The following PXDN variants were observed in gnomAD, a reference collection of about 807,000 sequenced individuals.
The protein encoded by PXDN is peroxidasin.
In PXDN, 77 loss-of-function variants were observed where a neutral mutation model predicts 140.3. The observed-to-expected ratio is 0.55, with a 90% CI of 0.46 to 0.66. The LOEUF (loss-of-function observed/expected upper bound fraction) is 0.66, where lower values mean the gene tolerates loss of function less well. Ranked by LOEUF, PXDN falls within the 30% of genes least tolerant of loss-of-function variation. The probability of loss-of-function intolerance (pLI) is 0.00; values close to 1 mark genes in which losing one functional copy is unlikely to be tolerated. For synonymous variants in PXDN, 911 were observed against 857.4 expected (o/e 1.06, Z -1.09); for missense variants, 1,838 against 2,039.5 (o/e 0.90, Z 1.90).
intron 1 of PXDN, among the ~76,000 whole-genome samples, chr2:1,721,929 G>A (rs1685062637): frequency 6.6e-6 from 1 of 152,146 alleles, no homozygotes; most frequent in Non-Finnish European, 1.5e-5. Context: ...TAGTTACTAA[G>A]AGACTCAAAG....
chr2:1,739,924 A>G (rs890220265), intron 1 of PXDN, among the ~76,000 whole-genome samples: 4 of 152,274 alleles, frequency 2.6e-5, no homozygotes, highest in Non-Finnish European at 4.4e-5. Context: ...GCCAACAAAC[A>G]TGAGCATCAT....
chr2:1,678,645 G>A (rs1333176135), intron 7 of PXDN, among the ~76,000 whole-genome samples: 2 of 152,212 alleles, frequency 1.3e-5, no homozygotes, highest in Non-Finnish European at 2.9e-5. Context: ...GGCCTCGGCT[G>A]ATTCACAGGT....
At chr2:1,676,115 C>T (rs1683701279) in intron 8 of PXDN, among the ~76,000 whole-genome samples, 1 of 152,154 alleles carries the variant, frequency 6.6e-6, no homozygotes, top group Non-Finnish European at 1.5e-5. Context: ...CTCATTCCCA[C>T]CTAGGCCTCT....
At chr2:1,738,101 G>A (rs6716442) in intron 1 of PXDN, among the ~76,000 whole-genome samples, 4,738 of 151,888 alleles carry the variant, frequency 0.031, 212 homozygotes, top group African/African-American at 0.11. Context: ...TGTCCTGATC[G>A]GCTATTTAAG....
At chr2:1,679,288 T>C (rs770522843) in intron 7 of PXDN, among the ~76,000 whole-genome samples, 15 of 148,560 alleles carry the variant, frequency 1.0e-4, no homozygotes, top group Non-Finnish European at 2.1e-4. Flanking sequence ...TGTGCATGTG[T>C]GTGTGGATGG....
At chr2:1,690,375 C>A (rs1335953258) in intron 3 of PXDN, among the ~76,000 whole-genome samples, 2 of 152,124 alleles carry the variant, frequency 1.3e-5, no homozygotes, top group Non-Finnish European at 2.9e-5. Flanking sequence ...GCCGGCTGTG[C>A]AGCAGATGAG....
At position 1,673,635 on chromosome 2, in the gene PXDN, C is replaced by A; in HGVS notation, c.1018+8G>T. 1 of 1,603,462 alleles carries A rather than the reference C, an allele frequency of 6.2e-7. No homozygotes were observed. Among genetic ancestry groups the A allele is most frequent in the South Asian group, 1.1e-5 (1 of 90,034 alleles). On this transcript the variant is annotated splice_region_variant and intron_variant, in intron 9 of 22. Coordinates refer to ENST00000252804, the MANE Select transcript of PXDN (RefSeq NM_012293.3). ...ATGGAACCCCGGTGTGAAATGCCCG[C>A]CACATACCTGGAGACCCGAAGTACC...
rs1027398940 is a variant in PXDN at position 1,651,998 on chromosome 2, C to T, written c.2104+1630G>A. 2.6e-5 allele frequency among the ~76,000 whole-genome samples: 4 copies of T among 152,210 alleles called. No homozygotes were observed. Among genetic ancestry groups the T allele is most frequent in the Non-Finnish European group, 4.4e-5 (3 of 68,040 alleles). On this transcript the variant is annotated intron_variant, in intron 16 of 22. Coordinates refer to ENST00000252804, the MANE Select transcript of PXDN (RefSeq NM_012293.3). This position sits in a 1 kb window ranked among gnomAD's most constrained non-coding sequence, Gnocchi z 4.4. ...GTGAAGAAATGAGTGCCTGCATGTG[C>T]ACCTAACTGCTGCTTGGGTAAACAG...
chr2:1,643,686 T>A, intron 18 of PXDN, 110 bp from the exon 19 acceptor site: 1 of 1,056,268 alleles, frequency 9.5e-7, no homozygotes, highest in Non-Finnish European at 1.4e-6. Context: ...CAGAAACCAC[T>A]AGGTTTGATT....
At chr2:1,686,381 T>C (rs890480942) in intron 4 of PXDN, among the ~76,000 whole-genome samples, 1 of 152,010 alleles carries the variant, frequency 6.6e-6, no homozygotes, top group East Asian at 1.9e-4. Context: ...AAACATCTAC[T>C]TGGTGATTCA....
chr2:1,637,870 G>GGATGT (rs1558482526), intron 21 of PXDN, among the ~76,000 whole-genome samples: 3 of 11,830 alleles, frequency 2.5e-4, no homozygotes, highest in Non-Finnish European at 3.3e-4. Flanking sequence ...GCTGCCTGGG[G>GGATGT]ACTTGCACCT....
intron 8 of PXDN, among the ~76,000 whole-genome samples, chr2:1,674,522 C>T (rs1439357954): frequency 6.6e-6 from 1 of 152,218 alleles, no homozygotes; most frequent in Non-Finnish European, 1.5e-5. Flanking sequence ...GCAAGGACCT[C>T]CCCTGGGGCC....
Position 1,654,482 on chromosome 2 carries a change from GA to G in PXDN, c.1863del (p.Pro622ArgfsTer3). 6.2e-7 allele frequency: 1 copy of G among 1,613,468 alleles called. No homozygotes were observed. On this transcript the variant is annotated frameshift_variant, in exon 15 of 23. Coordinates refer to ENST00000252804, the MANE Select transcript of PXDN (RefSeq NM_012293.3). LOFTEE classifies it high-confidence loss of function. ...VNVPDVSRNG[D>X]PFVATSIVEA... The stretch of plus-strand genomic sequence containing the variant: ...TCCACGATGGAGGTAGCTACAAACG[GA>G]TCTCCATTTCGACTGACGTCAGGAA...
intron 7 of PXDN, 41 bp downstream of exon 7, chr2:1,680,152 G>A: frequency 6.6e-7 from 1 of 1,510,754 alleles, no homozygotes; most frequent in South Asian, 1.3e-5. Context: ...TGTGTAGATG[G>A]TGTGAGTGTG....
Position 1,719,160 on chromosome 2 carries a change from G to A in PXDN, c.200+25096C>T, listed in dbSNP as rs74656262. On this transcript the variant is annotated intron_variant, in intron 1 of 22. Transcript: ENST00000252804. ...GCCATGCCTCCCACCTGAGTTACTC[G>A]GAAGGGGGCTTGCTCCACACCTTCT... Among the ~76,000 whole-genome samples the A allele has an allele frequency of 0.02, 3,015 of 152,282 alleles. 266 individuals are homozygous for A. In the East Asian group the frequency reaches 0.3, roughly 15 times the overall value.
intron 1 of PXDN, among the ~76,000 whole-genome samples, chr2:1,720,012 GTA>G (rs1491133237): frequency 7.2e-5 from 2 of 27,688 alleles, no homozygotes. Flanking sequence ...GGGGAGGGAT[GTA>G]GAGAGAGAGA....
At chr2:1,681,504 G>A (rs1024773761) in intron 6 of PXDN, among the ~76,000 whole-genome samples, 2 of 151,842 alleles carry the variant, frequency 1.3e-5, no homozygotes, top group South Asian at 2.1e-4. Context: ...ATGGGATCCC[G>A]AGAGGTGCTC....
intron 1 of PXDN, among the ~76,000 whole-genome samples, chr2:1,720,889 C>A (rs1214212384): frequency 6.6e-6 from 1 of 151,936 alleles, no homozygotes; most frequent in Non-Finnish European, 1.5e-5. Flanking sequence ...GGACAGCAGT[C>A]CTCATGCTGG....
intron 19 of PXDN, among the ~76,000 whole-genome samples, chr2:1,642,747 G>A (rs377401890): frequency 6.6e-6 from 1 of 152,224 alleles, no homozygotes; most frequent in African/African-American, 2.4e-5. Flanking sequence ...GAGAACCATC[G>A]CCTCACACAG....
Sources: gnomAD v4.1 joint callset for allele counts (sites outside exome capture counted in the v4.1 genomes callset) on GRCh38, gnomAD v4.1.1 for gene constraint, Gnocchi (gnomAD v3.1) non-coding constraint, MANE v1.5 for transcripts, NCBI Gene and HGNC (gene_info 2026-07-23, HGNC 2026-07-21) for gene names.